PRKG1: variants seen among roughly 807,000 people sequenced by gnomAD.
PRKG1 encodes the protein cGMP-dependent protein kinase 1.
PRKG1 carries 35 observed loss-of-function variants against 88.1 expected under a neutral mutation model. The observed-to-expected ratio is 0.40, with a 90% confidence interval of 0.30 to 0.53. The LOEUF (loss-of-function observed/expected upper bound fraction) is 0.53. PRKG1 is among the 20% of genes least tolerant of loss of function. The probability of loss-of-function intolerance (pLI) is 0.59; values close to 1 mark genes in which losing one functional copy is unlikely to be tolerated. For missense variants in PRKG1, 540 were observed against 839.8 expected (o/e 0.64, Z 4.41); for synonymous variants, 303 against 292.5 (o/e 1.04, Z -0.37).
At chr10:51,770,828 A>G (rs1471810921) in intron 3 of PRKG1, among the ~76,000 whole-genome samples, 5 of 152,226 alleles carry the variant, frequency 3.3e-5, no homozygotes, top group Admixed American at 6.5e-5. Flanking sequence ...AACTACTGCT[A>G]TAAGAGACAG....
chr10:51,553,517 T>C (rs563266658), intron 3 of PRKG1, among the ~76,000 whole-genome samples: 2 of 151,678 alleles, frequency 1.3e-5, no homozygotes, highest in East Asian at 3.9e-4. Context: ...ATCACTGTAT[T>C]AGCATCCTAA....
rs188147719 is a variant in PRKG1, at chr10:51,391,164, G to A, written c.479-76559G>A. On this transcript the variant is annotated intron_variant, in intron 2 of 17. Coordinates refer to ENST00000373980, the MANE Select transcript of PRKG1 (RefSeq NM_006258.4). ...TCCTTGCTCTCTAAGGGTAGAGTCC[G>A]AAACAGAACTCTTTTTTCTGCTTCC... Among the ~76,000 whole-genome samples the A allele has an allele frequency of 1.6e-3, 240 of 152,266 alleles. 1 individual carries two copies. The highest frequency in any genetic ancestry group is 5.7e-3 in the African/African-American group (236 of 41,544).
At position 52,178,031 on chromosome 10, in the gene PRKG1, A is replaced by G. The variant is rs115531509; in HGVS notation, c.1076+16068A>G. ...TGATATTTACTATTTCTTCCCTTCT[A>G]CTAATTTGGGGTTTGGTTTGTTCTT... On this transcript the variant is annotated intron_variant, in intron 9 of 17. Coordinates refer to ENST00000373980, the MANE Select transcript of PRKG1 (RefSeq NM_006258.4). 4.5e-3 allele frequency among the ~76,000 whole-genome samples: 667 copies of G among 148,090 alleles called. 5 individuals carry two copies. Among genetic ancestry groups the G allele is most frequent in the African/African-American group, 0.016 (632 of 40,298 alleles).
chr10:52,227,766 T>C lies in PRKG1; in HGVS notation c.1077-23804T>C, dbSNP rs931045512. Among the ~76,000 whole-genome samples the C allele has an allele frequency of 1.1e-4, 17 of 152,206 alleles. No homozygotes were observed. In the East Asian group the frequency reaches 1.5e-3, roughly 14 times the overall value. Reference sequence around the variant, plus strand: ...AAACCATAGCATAGCATTGCAATGATAGATTAACAACAAAACATAGAACTT... The same window carrying C: ...AAACCATAGCATAGCATTGCAATGACAGATTAACAACAAAACATAGAACTT... On this transcript the variant is annotated intron_variant, in intron 9 of 17. Coordinates refer to ENST00000373980, the MANE Select transcript of PRKG1 (RefSeq NM_006258.4).
chr10:51,572,505 G>C (rs1350805402), intron 3 of PRKG1, among the ~76,000 whole-genome samples: 2 of 151,846 alleles, frequency 1.3e-5, no homozygotes, highest in Non-Finnish European at 1.5e-5. Flanking sequence ...CATTATCCAG[G>C]TCAATATCCC....
chr10:52,232,958 C>A (rs919939436), intron 9 of PRKG1, among the ~76,000 whole-genome samples: 2 of 152,172 alleles, frequency 1.3e-5, no homozygotes, highest in African/African-American at 4.8e-5. Context: ...AGAATCCAAT[C>A]AGATACTGTC....
intron 2 of PRKG1, among the ~76,000 whole-genome samples, chr10:51,432,766 A>G (rs1026147155): frequency 1.3e-5 from 2 of 152,162 alleles, no homozygotes; most frequent in Admixed American, 1.3e-4. Context: ...TGTTCTTTAC[A>G]CTTGTGTCAT....
intron 1 of PRKG1, among the ~76,000 whole-genome samples, chr10:51,043,561 G>GTC: frequency 6.6e-6 from 1 of 152,104 alleles, no homozygotes; most frequent in East Asian, 1.9e-4. Flanking sequence ...GTAATGGTCT[G>GTC]TCTCCTCATC....
intron 5 of PRKG1, among the ~76,000 whole-genome samples, chr10:51,924,452 C>G (rs1318909400): frequency 6.6e-6 from 1 of 152,018 alleles, no homozygotes; most frequent in Non-Finnish European, 1.5e-5. Flanking sequence ...TTCCCTATCT[C>G]TCTTCTTTCA....
intron 3 of PRKG1, among the ~76,000 whole-genome samples, chr10:51,576,253 C>T (rs1277537810): frequency 6.6e-6 from 1 of 151,900 alleles, no homozygotes; most frequent in African/African-American, 2.4e-5. Context: ...TATTAGCATA[C>T]TTCGAAACAG....
chr10:52,132,219 T>C (rs1053311759), intron 7 of PRKG1, among the ~76,000 whole-genome samples: 2 of 152,126 alleles, frequency 1.3e-5, no homozygotes, highest in African/African-American at 4.8e-5. Context: ...TGCTTTGATA[T>C]CAATGAATAA....
At chr10:51,888,071 CAAAT>C (rs1281622468) in intron 4 of PRKG1, among the ~76,000 whole-genome samples, 6 of 152,098 alleles carry the variant, frequency 3.9e-5, no homozygotes, top group Admixed American at 1.3e-4. Context: ...CAAAAGAACA[CAAAT>C]AAATTATTGG....
intron 1 of PRKG1, among the ~76,000 whole-genome samples, chr10:51,145,372 G>T (rs1440281299): frequency 6.6e-6 from 1 of 152,028 alleles, no homozygotes; most frequent in African/African-American, 2.4e-5. Context: ...TTATTACCCT[G>T]TTTTGCTGTT....
chr10:51,227,339 A>T (rs1374381124), intron 2 of PRKG1, among the ~76,000 whole-genome samples: 1 of 152,132 alleles, frequency 6.6e-6, no homozygotes, highest in Non-Finnish European at 1.5e-5. Context: ...TTTCTTCCCT[A>T]GGTGAAGGAC....
At chr10:51,804,528 C>A in intron 3 of PRKG1, 57 bp from the exon 4 acceptor site, 1 of 1,193,044 alleles carries the variant, frequency 8.4e-7, no homozygotes, top group Non-Finnish European at 1.2e-6. Flanking sequence ...ATGTTGTTCA[C>A]AGTTGAAATT....
intron 3 of PRKG1, among the ~76,000 whole-genome samples, chr10:51,783,051 C>T (rs1838634778): frequency 1.3e-5 from 2 of 151,850 alleles, no homozygotes; most frequent in South Asian, 4.2e-4. Flanking sequence ...ATACACTTAT[C>T]GAAAACTCTT....
intron 3 of PRKG1, among the ~76,000 whole-genome samples, chr10:51,761,111 C>T (rs1480039083): frequency 1.3e-5 from 2 of 152,188 alleles, no homozygotes; most frequent in East Asian, 3.9e-4. Context: ...GAGACTGGGT[C>T]TCAACAACAA....
intron 2 of PRKG1, among the ~76,000 whole-genome samples, chr10:51,346,109 G>A (rs146323359): frequency 1.3e-5 from 2 of 152,280 alleles, no homozygotes; most frequent in African/African-American, 4.8e-5. Flanking sequence ...GTCACTTTAA[G>A]ACAGGCTTTT....
intron 3 of PRKG1, among the ~76,000 whole-genome samples, chr10:51,567,677 C>G (rs1464014980): frequency 6.6e-6 from 1 of 150,446 alleles, no homozygotes; most frequent in East Asian, 2.0e-4. Flanking sequence ...ACCTCCACCT[C>G]CTGGGTTCAA....
Sources: allele counts gnomAD v4.1 joint callset (sites outside exome capture counted in the v4.1 genomes callset), GRCh38; gene constraint gnomAD v4.1.1; transcripts MANE v1.5; gene names NCBI Gene and HGNC (gene_info 2026-07-23, HGNC 2026-07-21).